DIS3L: variants seen among roughly 807,000 people sequenced by gnomAD.
The protein encoded by DIS3L is DIS3-like exonuclease 1.
A neutral mutation model predicts 120.3 loss-of-function variants in DIS3L; 100 were observed. The observed-to-expected ratio is 0.83, with a 90% confidence interval of 0.71 to 0.98. The LOEUF is 0.98. Ranked by LOEUF, DIS3L falls within the 50% of genes least tolerant of loss-of-function variation. DIS3L has a pLI of 0.00. For synonymous variants in DIS3L, 426 were observed against 470.6 expected (o/e 0.91, Z 1.23); for missense variants, 1,196 against 1,314.2 (o/e 0.91, Z 1.39).
At chr15:66,325,047 A>G (rs28754421) in intron 11 of DIS3L, among the ~76,000 whole-genome samples, 39,134 of 152,104 alleles carry the variant, frequency 0.26, 5,647 homozygotes, top group South Asian at 0.33. Flanking sequence ...CTTTGCTCTA[A>G]TTTACTGAGC....
At chr15:66,323,073 C>G in intron 10 of DIS3L, 139 bp downstream of exon 10, 1 of 1,015,702 alleles carries the variant, frequency 9.8e-7, no homozygotes, top group Non-Finnish European at 1.4e-6. Flanking sequence ...TTGAGGTCCA[C>G]TCTCCATTTT....
At chr15:66,308,586 T>G in intron 3 of DIS3L, 123 bp from the exon 4 acceptor site, 2 of 1,271,204 alleles carry the variant, frequency 1.6e-6, no homozygotes, top group South Asian at 2.0e-5. Context: ...CCAGAAGTAT[T>G]TGTTGAACGA....
chr15:66,305,873 G>A (rs553303307), intron 2 of DIS3L, among the ~76,000 whole-genome samples: 1 of 152,278 alleles, frequency 6.6e-6, no homozygotes, highest in African/African-American at 2.4e-5. Flanking sequence ...TAACATAACT[G>A]AGTGTTTTCT....
intron 1 of DIS3L, chr15:66,294,193 A>C: frequency 3.0e-6 from 3 of 985,514 alleles, no homozygotes; most frequent in Non-Finnish European, 3.6e-6. Context: ...ACCTGCCCGC[A>C]CTGTTGCCCC....
chr15:66,304,998 C>CT (rs1283384329), intron 2 of DIS3L, among the ~76,000 whole-genome samples: 8,463 of 105,142 alleles, frequency 0.08, 811 homozygotes, highest in African/African-American at 0.11. Context: ...AAATCGATTT[C>CT]TTTTTTTTTT....
chr15:66,314,459 A>G (rs2092797106), intron 6 of DIS3L, among the ~76,000 whole-genome samples: 1 of 152,200 alleles, frequency 6.6e-6, no homozygotes, highest in Non-Finnish European at 1.5e-5. Context: ...GCTTTATTGG[A>G]GTAAATTTTT....
chr15:66,327,647 G>T (rs1276434731), intron 12 of DIS3L, among the ~76,000 whole-genome samples: 1 of 152,140 alleles, frequency 6.6e-6, no homozygotes, highest in African/African-American at 2.4e-5. Flanking sequence ...GGGAGGTTGA[G>T]GCAGGAGAAT....
At chr15:66,294,563 CT>C (rs2092564903) in intron 1 of DIS3L, 4 of 987,386 alleles carry the variant, frequency 4.1e-6, no homozygotes, top group Non-Finnish European at 4.8e-6. Context: ...CTTTCTGGCC[CT>C]TGGAGGCTGC....
rs2093028923 is a variant in DIS3L, at chr15:66,333,751, AAAG to A, written c.*440_*442del. The A allele has an allele frequency of 6.8e-6, 1 of 147,062 alleles. No homozygotes were observed. The highest frequency in any genetic ancestry group is 2.0e-4 in the East Asian group (1 of 4,978). 9.1% of individuals were successfully genotyped at this position (147,062 alleles called of 1,614,324 possible). Reference sequence around the variant, plus strand: ...CTCAAAAAAAAAAAAAAAAAAAAAAAAAGTTCTCTCATTCATTAAAGTTGCATT... The same window carrying A: ...CTCAAAAAAAAAAAAAAAAAAAAAAATTCTCTCATTCATTAAAGTTGCATT... On this transcript the variant is annotated 3_prime_UTR_variant, in exon 17 of 17. Transcript: ENST00000319212.
Position 66,294,419 on chromosome 15 carries a change from G to T in DIS3L, c.140-569G>T, listed in dbSNP as rs1270122120. The T allele has an allele frequency of 4.1e-6, 4 of 985,574 alleles. No homozygotes were observed. In the East Asian group the frequency reaches 4.5e-4, roughly 112 times the overall value. 61.1% of individuals were successfully genotyped at this position (985,574 alleles called of 1,614,324 possible). A position where few individuals can be genotyped will look rare whatever the true frequency, so the allele number is the denominator to read the frequency against. Reference sequence around the variant, plus strand: ...GGGCTGGGGGTCCTTGTCAGCGAATGTGTGGAATCCTCCAAACATTGTGAT... The same window carrying T: ...GGGCTGGGGGTCCTTGTCAGCGAATTTGTGGAATCCTCCAAACATTGTGAT... On this transcript the variant is annotated intron_variant, in intron 1 of 16. Transcript: ENST00000319212.
Position 66,311,839 on chromosome 15 carries a change from A to G in DIS3L, c.674A>G (p.Tyr225Cys). The G allele has an allele frequency of 2.5e-6, 4 of 1,614,134 alleles. No homozygotes were observed. Among genetic ancestry groups the G allele is most frequent in the Non-Finnish European group, 3.4e-6 (4 of 1,180,010 alleles). The change falls in exon 5 of 17, where the codon TAC becomes TGC. Residue 225 changes from tyrosine to cysteine, a missense_variant. Physicochemically the swap from Tyr to Cys is radical, Grantham distance 194. Transcript: ENST00000319212. ...NESQESHGKE[Y>C]PEHLPLEVLE... ...AGTCAGGAGAGCCATGGGAAGGAGT[A>G]CCCAGAACATCTTCCCCTGGAAGTG...
chr15:66,309,094 A>AAATATATATATATATATATAT, intron 4 of DIS3L, among the ~76,000 whole-genome samples: 1 of 15,320 alleles, frequency 6.5e-5, no homozygotes, highest in Non-Finnish European at 1.2e-4. Context: ...AAAAAAAAAA[A>AAATATATATATATATATATAT]ATATATATAT....
At chr15:66,314,389 C>T (rs2092796187) in intron 6 of DIS3L, among the ~76,000 whole-genome samples, 1 of 152,132 alleles carries the variant, frequency 6.6e-6, no homozygotes, top group Non-Finnish European at 1.5e-5. Context: ...GAATTTGTAG[C>T]CAAGGCAGTT....
intron 4 of DIS3L, among the ~76,000 whole-genome samples, chr15:66,309,164 A>C (rs1455248220): frequency 2.1e-5 from 3 of 141,790 alleles, no homozygotes; most frequent in Non-Finnish European, 4.6e-5. Flanking sequence ...AGATGGAAGA[A>C]TCACTGGAGC....
At chr15:66,320,446 C>A in intron 8 of DIS3L, 125 bp from the exon 9 acceptor site, 2 of 1,003,452 alleles carry the variant, frequency 2.0e-6, no homozygotes, top group East Asian at 2.9e-5. Context: ...TACCATACAC[C>A]ACTATTTGCA....
chr15:66,331,695 A>G (rs2092999554), intron 14 of DIS3L, 180 bp from the exon 15 acceptor site: 1 of 555,700 alleles, frequency 1.8e-6, no homozygotes, highest in Non-Finnish European at 2.7e-6. Context: ...TTTCTAAGAC[A>G]TTTTTGAGGA....
At chr15:66,297,455 T>C (rs2092600228) in intron 2 of DIS3L, among the ~76,000 whole-genome samples, 1 of 152,230 alleles carries the variant, frequency 6.6e-6, no homozygotes, top group Non-Finnish European at 1.5e-5. Context: ...AAAAATCATA[T>C]ATATTTATGG....
chr15:66,315,353 TATA>T, intron 7 of DIS3L, 138 bp downstream of exon 7: 1 of 841,922 alleles, frequency 1.2e-6, no homozygotes, highest in Non-Finnish European at 1.7e-6. Context: ...ATTTATTGTG[TATA>T]ATATGATGAT....
At chr15:66,318,648 T>C (rs2092847304) in intron 8 of DIS3L, 30 bp downstream of exon 8, 10 of 1,604,362 alleles carry the variant, frequency 6.2e-6, no homozygotes, top group African/African-American at 4.0e-5. Flanking sequence ...TACTATGGGA[T>C]CTCTACGCTT....
Sources: allele counts gnomAD v4.1 joint callset (sites outside exome capture counted in the v4.1 genomes callset), GRCh38; gene constraint gnomAD v4.1.1; transcripts MANE v1.5; gene names NCBI Gene and HGNC (gene_info 2026-07-23, HGNC 2026-07-21).